Variants in SAMSN1 observed in about 807,000 individuals in gnomAD.
SAMSN1 encodes the protein SAM domain, SH3 domain and nuclear localization signals 1.
SAMSN1 carries 31 observed loss-of-function variants against 42.0 expected under a neutral mutation model. The observed-to-expected ratio is 0.74, with a 90% confidence interval of 0.55 to 1.00. The LOEUF is 1.00. Ranked by LOEUF, SAMSN1 falls within the 50% of genes least tolerant of loss-of-function variation. The pLI, the probability that SAMSN1 is intolerant of heterozygous loss-of-function variation, is 0.00. For missense variants in SAMSN1, 464 were observed against 439.4 expected, an observed-to-expected ratio of 1.06 and a Z score of -0.50; for synonymous variants, 178 against 151.9, an observed-to-expected ratio of 1.17 and a Z score of -1.26.
At chr21:14,505,516 A>G (rs767020279) in intron 5 of SAMSN1, among the ~76,000 whole-genome samples, 9 of 152,234 alleles carry the variant, frequency 5.9e-5, no homozygotes, top group Admixed American at 5.9e-4. Context: ...ACATTATACA[A>G]TGATAAAAGG....
At position 14,512,501 on chromosome 21, in the gene SAMSN1, C is replaced by T. The variant is rs756020472; in HGVS notation, c.352G>A (p.Val118Met). ...DPVIGTHTEKVSLKASDSMDS... is the reference protein window; with the variant it reads ...DPVIGTHTEKMSLKASDSMDS... The stretch of plus-strand genomic sequence containing the variant: ...ATGGAGTCACTGGCTTTGAGGGACA[C>T]CTTCTCTGTGTGGGTCCCAATCACA... The change falls in exon 4 of 8, where the codon GTG becomes ATG. Residue 118 changes from valine to methionine, a missense_variant. Transcript: ENST00000400566. 6.2e-7 allele frequency: 1 copy of T among 1,613,966 alleles called. No homozygotes were observed. Among genetic ancestry groups the T allele is most frequent in the Non-Finnish European group, 8.5e-7 (1 of 1,179,868 alleles).
At chr21:14,651,289 T>G (rs1359379101) in intron 1 of SAMSN1, among the ~76,000 whole-genome samples, 1 of 151,562 alleles carries the variant, frequency 6.6e-6, no homozygotes, top group Non-Finnish European at 1.5e-5. Flanking sequence ...CTCAACAAAA[T>G]ACTACCAAAC....
At chr21:14,595,803 G>C (rs968355806) in intron 6 of SAMSN1, among the ~76,000 whole-genome samples, 2 of 152,114 alleles carry the variant, frequency 1.3e-5, no homozygotes, top group Non-Finnish European at 2.9e-5. Flanking sequence ...CAAGAGGTTT[G>C]AAGCAGAAAA....
intron 2 of SAMSN1, among the ~76,000 whole-genome samples, chr21:14,579,539 C>A (rs1290470102): frequency 6.6e-6 from 1 of 151,690 alleles, no homozygotes; most frequent in Non-Finnish European, 1.5e-5. Context: ...TCTATGGAAA[C>A]AAAGTCCATT....
chr21:14,568,819 T>C (rs181456258), intron 2 of SAMSN1, among the ~76,000 whole-genome samples: 1 of 152,326 alleles, frequency 6.6e-6, no homozygotes, highest in Admixed American at 6.5e-5. Flanking sequence ...GTATTAGTAG[T>C]AATTCCTTCA....
intron 2 of SAMSN1, among the ~76,000 whole-genome samples, chr21:14,577,703 T>G (rs1325443999): frequency 6.6e-6 from 1 of 152,184 alleles, no homozygotes; most frequent in African/African-American, 2.4e-5. Context: ...AGATTATTTT[T>G]GGTCACCTCG....
rs116072670 is a variant in SAMSN1, at chr21:14,524,463, T to C, written c.58-3242A>G. Among the ~76,000 whole-genome samples the C allele has an allele frequency of 6.0e-3, 908 of 152,308 alleles. 5 individuals are homozygous for C. The highest frequency in any genetic ancestry group is 0.048 in the Middle Eastern group (14 of 294). ...TGTTGACTTTAGATCATATTTAGTC[T>C]TTATACTCTACACGAATGTTTCCAG... On this transcript the variant is annotated intron_variant, in intron 1 of 7. Coordinates refer to ENST00000400566, the MANE Select transcript of SAMSN1 (RefSeq NM_022136.5).
chr21:14,623,482 T>A (rs1983073188), intron 2 of SAMSN1, among the ~76,000 whole-genome samples: 1 of 152,152 alleles, frequency 6.6e-6, no homozygotes, highest in African/African-American at 2.4e-5. Context: ...AATCCTAGTC[T>A]CTGATAAAAC....
intron 7 of SAMSN1, chr21:14,496,206 G>A (rs764880593): frequency 1.3e-5 from 2 of 152,130 alleles, no homozygotes; most frequent in African/African-American, 2.4e-5. Flanking sequence ...TGAGAAAATT[G>A]GTGAAGTAGC....
At chr21:14,613,489 A>G (rs139894297) in intron 3 of SAMSN1, among the ~76,000 whole-genome samples, 11 of 152,322 alleles carry the variant, frequency 7.2e-5, no homozygotes, top group African/African-American at 2.6e-4. Context: ...TAACATTGTT[A>G]TAGCTTAAGT....
At chr21:14,513,380 A>T (rs541428709) in intron 3 of SAMSN1, among the ~76,000 whole-genome samples, 6 of 152,312 alleles carry the variant, frequency 3.9e-5, no homozygotes, top group African/African-American at 1.4e-4. Flanking sequence ...TGATTCAGTC[A>T]TTCAACACAA....
chr21:14,651,079 C>T (rs1983826937), intron 1 of SAMSN1, among the ~76,000 whole-genome samples: 1 of 152,058 alleles, frequency 6.6e-6, no homozygotes, highest in Non-Finnish European at 1.5e-5. Flanking sequence ...GACAGCTTCA[C>T]TTCTGAATTC....
intron 5 of SAMSN1, among the ~76,000 whole-genome samples, chr21:14,506,063 A>G (rs1987386215): frequency 6.6e-6 from 1 of 152,138 alleles, no homozygotes; most frequent in African/African-American, 2.4e-5. Context: ...CCTCTGGGAC[A>G]CAGCAAAGGG....
At chr21:14,649,114 T>C (rs1361811234) in intron 1 of SAMSN1, among the ~76,000 whole-genome samples, 1 of 152,072 alleles carries the variant, frequency 6.6e-6, no homozygotes, top group African/African-American at 2.4e-5. Context: ...GTTCATGTCC[T>C]TTGTAGGGAC....
chr21:14,642,938 A>G, intron 2 of SAMSN1: 1 of 688,128 alleles, frequency 1.5e-6, no homozygotes, highest in Middle Eastern at 2.4e-4. Flanking sequence ...AAGTATCATT[A>G]GGCAAGAGAT....
chr21:14,597,042 A>T (rs1982287489), intron 6 of SAMSN1, among the ~76,000 whole-genome samples: 2 of 152,348 alleles, frequency 1.3e-5, no homozygotes, highest in South Asian at 2.1e-4. Context: ...AATACACAAT[A>T]TCATTATTTT....
At chr21:14,488,037 C>T (rs1434686647) in intron 7 of SAMSN1, among the ~76,000 whole-genome samples, 1 of 151,986 alleles carries the variant, frequency 6.6e-6, no homozygotes, top group Non-Finnish European at 1.5e-5. Flanking sequence ...AATGGGACCT[C>T]ATTCTCTGAA....
upstream of SAMSN1, among the ~76,000 whole-genome samples, chr21:14,586,358 T>C (rs1390202266): frequency 6.6e-6 from 1 of 151,568 alleles, no homozygotes; most frequent in Non-Finnish European, 1.5e-5. Flanking sequence ...ATCCATTACC[T>C]ACATATTTGT....
intron 5 of SAMSN1, among the ~76,000 whole-genome samples, chr21:14,606,145 G>C (rs1257564802): frequency 1.3e-5 from 2 of 152,118 alleles, no homozygotes; most frequent in Non-Finnish European, 2.9e-5. Context: ...CGGTCAAGAA[G>C]ATTTATTTTT....
Sources: allele counts gnomAD v4.1 joint callset (sites outside exome capture counted in the v4.1 genomes callset), GRCh38; gene constraint gnomAD v4.1.1; transcripts MANE v1.5; gene names NCBI Gene and HGNC (gene_info 2026-07-23, HGNC 2026-07-21).